ATG2A: variants seen among roughly 807,000 people sequenced by gnomAD.
ATG2A encodes autophagy-related protein 2 homolog A.
Under a neutral mutation model 214.2 loss-of-function variants are expected in ATG2A, and 103 were observed. That is an observed-to-expected ratio of 0.48 (90% confidence interval 0.41 to 0.57). The LOEUF (loss-of-function observed/expected upper bound fraction) is 0.57, where lower values mean the gene tolerates loss of function less well. ATG2A is among the 20% of genes least tolerant of loss of function. The pLI, the probability that ATG2A is intolerant of heterozygous loss-of-function variation, is 0.00. For synonymous variants in ATG2A, 1,160 were observed against 1,142.1 expected (o/e 1.02, Z -0.32); for missense variants, 2,312 against 2,613.2 (o/e 0.88, Z 2.51).
In ATG2A at chr11:64,913,257, C is replaced by A; in HGVS notation, c.726+9G>T. The A allele has an allele frequency of 6.2e-7, 1 of 1,611,930 alleles. No homozygotes were observed. Among genetic ancestry groups the A allele is most frequent in the Admixed American group, 1.7e-5 (1 of 59,888 alleles). On this transcript the variant is annotated intron_variant, in intron 5 of 40. Coordinates refer to ENST00000377264, the MANE Select transcript of ATG2A (RefSeq NM_015104.3). The surrounding 1 kb of genome is among the most constrained non-coding windows in gnomAD (Gnocchi z 4.3). ...GAGACAGGGGCTGTGGGAATCAGAG[C>A]CCGCTCACCTGTGCCGGGAGCTCCT... is the stretch of plus-strand genomic sequence containing the variant.
Position 64,895,255 on chromosome 11 carries a change from C to A in ATG2A, c.5580+35G>T. The A allele has an allele frequency of 6.2e-7, 1 of 1,613,038 alleles. No individual in the cohort carries two copies. The highest frequency in any genetic ancestry group is 2.2e-5 in the East Asian group (1 of 44,858). ...GGCGGGGTCTGTGTGAGGAGATGGG[C>A]ATGGGGGACTGGGGCAGGGCGGGGG... On this transcript the variant is annotated intron_variant, in intron 40 of 40. Coordinates refer to ENST00000377264, the MANE Select transcript of ATG2A (RefSeq NM_015104.3). The surrounding 1 kb of genome is among the most constrained non-coding windows in gnomAD (Gnocchi z 5.0).
In ATG2A at chr11:64,898,865, G is replaced by GTAA; in HGVS notation, c.4465-24_4465-23insTTA. ...TACCTGTGGGGTGGACAGAGGCCTG[G>GTAA]CCAGGTAAGCAGGGCCCCAAGAGGG... is the stretch of plus-strand genomic sequence containing the variant. On this transcript the variant is annotated intron_variant, in intron 31 of 40. Transcript: ENST00000377264. This position sits in a 1 kb window ranked among gnomAD's most constrained non-coding sequence, Gnocchi z 4.5. 6.3e-7 allele frequency: 1 copy of GTAA among 1,598,238 alleles called. No homozygotes were observed. Among genetic ancestry groups the GTAA allele is most frequent in the Non-Finnish European group, 8.5e-7 (1 of 1,175,754 alleles).
Position 64,906,471 on chromosome 11 carries a change from G to A in ATG2A, c.3046C>T (p.Gln1016Ter). The change falls in exon 21 of 41, where the codon CAG (glutamine) becomes TAG (stop). Residue 1016 changes from glutamine (Q) to a stop codon, truncating the protein, a stop_gained. Transcript: ENST00000377264. LOFTEE classifies it high-confidence loss of function. ...GATGGGTAGATGGTTGGGGCCAGCT[G>A]AGCCGGGGGAGCGAAACTGGGAAGG... ...LDLPSFAPPA[Q>*]LAPTIYPSEE... The A allele has an allele frequency of 6.2e-7, 1 of 1,613,358 alleles. No homozygotes were observed. The highest frequency in any genetic ancestry group is 8.5e-7 in the Non-Finnish European group (1 of 1,180,012).
Position 64,913,390 on chromosome 11 carries a change from C to A in ATG2A, c.602G>T (p.Cys201Phe). 1 of 1,592,126 alleles carries A rather than the reference C, an allele frequency of 6.3e-7. No individual in the cohort carries two copies. Among genetic ancestry groups the A allele is most frequent in the Non-Finnish European group, 8.5e-7 (1 of 1,170,328 alleles). The change falls in exon 5 of 41, where the codon TGT becomes TTT. Residue 201 changes from cysteine to phenylalanine, a missense_variant. Cys to Phe is a radical substitution (Grantham distance 205). Coordinates refer to ENST00000377264, the MANE Select transcript of ATG2A (RefSeq NM_015104.3). The surrounding 1 kb of genome is among the most constrained non-coding windows in gnomAD (Gnocchi z 4.3). ...VEVRVQRLEY[C>F]DEAVRDPSQA... ...GCTTGGGTCCCGCACTGCCTCATCACAGTACTCCAGTCTGGAGAGTGTAGG... is the reference window on the plus strand; with the variant it reads ...GCTTGGGTCCCGCACTGCCTCATCAAAGTACTCCAGTCTGGAGAGTGTAGG...
Position 64,914,092 on chromosome 11 carries a change from G to C in ATG2A, c.476C>G (p.Thr159Ser). The C allele has an allele frequency of 1.3e-6, 2 of 1,547,120 alleles. No individual in the cohort carries two copies. Among genetic ancestry groups the C allele is most frequent in the Admixed American group, 4.0e-5 (2 of 50,504 alleles). ...PLEGLEMFAQ[T>S]IETVLRRIKV... ...AGGGGCCTGCTCACCAGTCTCAATG[G>C]TCTGGGCAAACATCTCCAGCCCCTC... Residue 159 changes from threonine to serine, a missense_variant, in exon 3 of 41, where the codon ACC (threonine) becomes AGC (serine). Physicochemically the swap from Thr to Ser is moderately conservative, Grantham distance 58. Coordinates refer to ENST00000377264, the MANE Select transcript of ATG2A (RefSeq NM_015104.3).
rs1180008857 is a variant in ATG2A, at chr11:64,902,603, C to T, written c.3690G>A (p.Leu1230=). ...VHSCADSCAL[L]VNLLQYVMST... is the part of the protein sequence containing the mutation. ...TCATTACGTACTGGAGCAGGTTGAC[C>T]AGCAGGGCACAGGAGTCGGCACAGC... The change falls in exon 27 of 41, where the codon CTG becomes CTA. Residue 1230 remains leucine, a synonymous_variant. Coordinates refer to ENST00000377264, the MANE Select transcript of ATG2A (RefSeq NM_015104.3). 6 of 1,610,164 alleles carry T rather than the reference C, an allele frequency of 3.7e-6. No homozygotes were observed. The East Asian group carries it at 6.7e-5, about 18-fold the overall frequency.
chr11:64,908,913 C>A, intron 16 of ATG2A, 78 bp downstream of exon 16: 1 of 1,515,736 alleles, frequency 6.6e-7, no homozygotes, highest in Non-Finnish European at 8.8e-7. Context: ...GGCCCACAGC[C>A]ACACAGGTGG....
Position 64,912,397 on chromosome 11 carries a change from G to A in ATG2A, c.852C>T (p.Ser284=), listed in dbSNP as rs773832690. The A allele has an allele frequency of 6.4e-6, 10 of 1,554,092 alleles. No homozygotes were observed. The Admixed American group carries it at 1.4e-4, about 21-fold the overall frequency. Residue 284 remains serine (S), a synonymous_variant, in exon 7 of 41, where the codon TCC becomes TCT. Transcript: ENST00000377264. ...PKLEVAGQLG[S]LHLLLTPRQL... is the part of the protein sequence containing the mutation. ...GCCTCGGGGTCAGGAGCAGGTGCAGGGAGCCCAGCTGTCCCGCCACCTCCA... is the reference window on the plus strand; with the variant it reads ...GCCTCGGGGTCAGGAGCAGGTGCAGAGAGCCCAGCTGTCCCGCCACCTCCA...
chr11:64,897,377 G>T, intron 37 of ATG2A, 35 bp downstream of exon 37: 1 of 1,550,614 alleles, frequency 6.4e-7, no homozygotes, highest in South Asian at 1.2e-5. Flanking sequence ...GAAGATCAGG[G>T]ACCCTGGAGA....
Position 64,906,805 on chromosome 11 carries a change from C to T in ATG2A, c.2843G>A (p.Gly948Glu), listed in dbSNP as rs1229501115. ...TALCETKDEG[G>E]KRLEAVHGEL... is the part of the protein sequence containing the mutation. The stretch of plus-strand genomic sequence containing the variant: ...CCCGTGCACAGCCTCCAGCCGCTTC[C>T]CACCCTCATCCTGCAGAAGGAGCAC... Residue 948 changes from glycine to glutamate, a missense_variant, in exon 20 of 41, where the codon GGG becomes GAG. Transcript: ENST00000377264. 1.2e-6 allele frequency: 2 copies of T among 1,612,840 alleles called. No individual in the cohort carries two copies. The highest frequency in any genetic ancestry group is 2.2e-5 in the East Asian group (1 of 44,856).
Position 64,905,870 on chromosome 11 carries a change from G to A in ATG2A, c.3265-22C>T, listed in dbSNP as rs201070395. The A allele has an allele frequency of 1.9e-6, 3 of 1,607,890 alleles. No homozygotes were observed. The East Asian group carries it at 6.7e-5, about 36-fold the overall frequency. On this transcript the variant is annotated intron_variant, in intron 22 of 40. Transcript: ENST00000377264. ...ACAACTTCAGAGGCCAGGGCAGGAG[G>A]AAGCAGTGAGGATCAGGTGGTGTCC...
intron 14 of ATG2A, 113 bp downstream of exon 14, chr11:64,909,568 G>A (rs1307611419): frequency 2.9e-5 from 44 of 1,526,744 alleles, no homozygotes; most frequent in Non-Finnish European, 3.9e-5. Context: ...AGCTGGTAAA[G>A]GCCTGGGCCA....
Position 64,911,309 on chromosome 11 carries a change from A to G in ATG2A, c.1229-34T>C, listed in dbSNP as rs781033687. Reference sequence around the variant, plus strand: ...ACAGAGGCTTCAGCAGGGGCTCCCAACAGATTCCGGGTACCCCAGGTGGAG... The same window carrying G: ...ACAGAGGCTTCAGCAGGGGCTCCCAGCAGATTCCGGGTACCCCAGGTGGAG... On this transcript the variant is annotated intron_variant, in intron 9 of 40. Transcript: ENST00000377264. 3.0e-5 allele frequency: 48 copies of G among 1,602,416 alleles called. No individual in the cohort carries two copies. The Admixed American group carries it at 7.7e-4, about 26-fold the overall frequency.
intron 24 of ATG2A, among the ~76,000 whole-genome samples, 182 bp downstream of exon 24, chr11:64,905,380 CT>C (rs1944504959): frequency 6.6e-6 from 1 of 152,174 alleles, no homozygotes; most frequent in Admixed American, 6.5e-5. Flanking sequence ...AGCACAAATG[CT>C]TATAAGGGTC....
chr11:64,895,548 G>C lies in ATG2A; in HGVS notation c.5428-106C>G. 7.7e-7 allele frequency: 1 copy of C among 1,302,780 alleles called. No homozygotes were observed. Among genetic ancestry groups the C allele is most frequent in the Non-Finnish European group, 1.0e-6 (1 of 976,602 alleles). The allele number at this position is 1,302,780 out of a possible 1,614,324, so 80.7% of individuals were successfully genotyped here. On this transcript the variant is annotated intron_variant, in intron 39 of 40. Transcript: ENST00000377264. This position sits in a 1 kb window ranked among gnomAD's most constrained non-coding sequence, Gnocchi z 5.0. ...CCACCAGCCCTCAGCCTCCCTGCCT[G>C]TCACTGTGCTGGCCTAGGGGGTCCT...
rs1252823788 is a variant in ATG2A at position 64,906,831 on chromosome 11, ACAGC to A, written c.2833-20_2833-17del. ...CACCCTCATCCTGCAGAAGGAGCAC[ACAGC>A]CTGGCTTCCCCAGCTGCACTCAGCA... On this transcript the variant is annotated splice_polypyrimidine_tract_variant and intron_variant, in intron 19 of 40. Coordinates refer to ENST00000377264, the MANE Select transcript of ATG2A (RefSeq NM_015104.3). 6.2e-6 allele frequency: 10 copies of A among 1,609,370 alleles called. No individual in the cohort carries two copies. Among genetic ancestry groups the A allele is most frequent in the Non-Finnish European group, 8.5e-6 (10 of 1,178,556 alleles).
Position 64,906,162 on chromosome 11 carries a change from G to A in ATG2A, c.3215C>T (p.Ala1072Val). 1 of 1,606,318 alleles carries A rather than the reference G, an allele frequency of 6.2e-7. No homozygotes were observed. The highest frequency in any genetic ancestry group is 1.1e-5 in the South Asian group (1 of 90,276). Residue 1072 changes from alanine to valine, a missense_variant, in exon 22 of 41, where the codon GCC becomes GTC. Coordinates refer to ENST00000377264, the MANE Select transcript of ATG2A (RefSeq NM_015104.3). ...CAGGGCCATGTAGTGGCGCAAGGTG[G>A]CTTTGTGCAACCGCAGTGTCACCAG... Reference protein sequence around the residue: ...EFLVTLRLHKATLRHYMALPE... With the variant: ...EFLVTLRLHKVTLRHYMALPE...
chr11:64,895,156 C>T lies in ATG2A; in HGVS notation c.5634G>A (p.Glu1878=), dbSNP rs1171301753. ...TICDVASRGH[E]QKGLTGAVGG... ...CCACGGCGCCCGTCAGCCCCTTCTG[C>T]TCATGGCCCCGCGATGCCACGTCAC... Residue 1878 remains glutamate (E), a synonymous_variant, in exon 41 of 41, where the codon GAG becomes GAA. Transcript: ENST00000377264. The surrounding 1 kb of genome is among the most constrained non-coding windows in gnomAD (Gnocchi z 5.0). The T allele has an allele frequency of 6.8e-6, 11 of 1,613,158 alleles. No individual in the cohort carries two copies. Among genetic ancestry groups the T allele is most frequent in the Non-Finnish European group, 9.3e-6 (11 of 1,179,696 alleles).
chr11:64,905,880 G>A lies in ATG2A; in HGVS notation c.3265-32C>T. ...AGGCCAGGGCAGGAGGAAGCAGTGAGGATCAGGTGGTGTCCTCCCTCCTCT... is the reference window on the plus strand; with the variant it reads ...AGGCCAGGGCAGGAGGAAGCAGTGAAGATCAGGTGGTGTCCTCCCTCCTCT... On this transcript the variant is annotated intron_variant, in intron 22 of 40. Transcript: ENST00000377264. The A allele has an allele frequency of 3.1e-6, 5 of 1,600,456 alleles. No individual in the cohort carries two copies. In the East Asian group the frequency reaches 8.9e-5, roughly 29 times the overall value.
Sources: allele counts gnomAD v4.1 joint callset (sites outside exome capture counted in the v4.1 genomes callset), GRCh38; gene constraint gnomAD v4.1.1; non-coding constraint Gnocchi (gnomAD v3.1); transcripts MANE v1.5; gene names NCBI Gene and HGNC (gene_info 2026-07-23, HGNC 2026-07-21).